GRM8: variants seen among roughly 807,000 people sequenced by gnomAD.
The protein encoded by GRM8 is metabotropic glutamate receptor 8.
A neutral mutation model predicts 87.2 loss-of-function variants in GRM8; 47 were observed. The ratio of observed to expected loss-of-function variants is 0.54; its 90% CI spans 0.43 to 0.69. GRM8 has a LOEUF of 0.69. Among genes scored for constraint, GRM8 ranks in the 30% least tolerant of loss-of-function variants. The pLI, the probability that GRM8 is intolerant of heterozygous loss-of-function variation, is 0.00. For synonymous variants in GRM8, 396 were observed against 404.5 expected, an observed-to-expected ratio of 0.98 and a Z score of 0.25; for missense variants, 1,019 against 1,139.2, an observed-to-expected ratio of 0.89 and a Z score of 1.52.
chr7:126,662,408 A>T (rs570634091), intron 7 of GRM8, among the ~76,000 whole-genome samples: 1 of 152,340 alleles, frequency 6.6e-6, no homozygotes, highest in African/African-American at 2.4e-5. Flanking sequence ...GGCTTCAAAA[A>T]AAAGTCCTAA....
At chr7:126,933,096 C>G (rs879287064) in intron 3 of GRM8, among the ~76,000 whole-genome samples, 5 of 152,190 alleles carry the variant, frequency 3.3e-5, no homozygotes, top group Admixed American at 1.3e-4. Context: ...GTGCTGACTC[C>G]TAGAAAGACC....
chr7:126,520,658 G>T (rs886429016), intron 9 of GRM8, among the ~76,000 whole-genome samples: 1 of 152,062 alleles, frequency 6.6e-6, no homozygotes, highest in Admixed American at 6.6e-5. Context: ...GGGAGGGGAA[G>T]ATATAAAATG....
At chr7:126,957,858 G>C (rs538462782) in intron 3 of GRM8, among the ~76,000 whole-genome samples, 1 of 152,170 alleles carries the variant, frequency 6.6e-6, no homozygotes, top group South Asian at 2.1e-4. Context: ...CCTGAAGCCC[G>C]GGGGCAGGGC....
chr7:127,060,034 A>G (rs900785109), intron 3 of GRM8, among the ~76,000 whole-genome samples: 1 of 152,232 alleles, frequency 6.6e-6, no homozygotes, highest in Non-Finnish European at 1.5e-5. Flanking sequence ...TCACTGGTAG[A>G]CATTTTCTAC....
chr7:127,167,544 C>T (rs1041791098), intron 2 of GRM8, among the ~76,000 whole-genome samples: 6 of 151,920 alleles, frequency 3.9e-5, no homozygotes, highest in Non-Finnish European at 7.4e-5. Context: ...GTCTCTGTGT[C>T]GCATTTTGAT....
intron 7 of GRM8, among the ~76,000 whole-genome samples, chr7:126,761,588 C>T (rs930737236): frequency 4.6e-5 from 7 of 152,152 alleles, no homozygotes; most frequent in African/African-American, 1.7e-4. Context: ...AAAACACTTA[C>T]CCTAGCACTT....
intron 6 of GRM8, among the ~76,000 whole-genome samples, chr7:126,850,872 A>AGTGC (rs1797147936): frequency 6.6e-6 from 1 of 152,178 alleles, no homozygotes; most frequent in African/African-American, 2.4e-5. Flanking sequence ...CTTAGGTAAC[A>AGTGC]GTGCGAGGCA....
At chr7:126,691,822 C>A (rs746867160) in intron 7 of GRM8, among the ~76,000 whole-genome samples, 2 of 152,182 alleles carry the variant, frequency 1.3e-5, no homozygotes, top group African/African-American at 2.4e-5. Context: ...GAGACACCAA[C>A]CCCTAAAATA....
chr7:126,602,457 C>A (rs202101697), intron 8 of GRM8, among the ~76,000 whole-genome samples: 1 of 112,526 alleles, frequency 8.9e-6, no homozygotes, highest in East Asian at 3.1e-4. Context: ...TAGTTTTTTC[C>A]AATTCTGTGA....
intron 3 of GRM8, among the ~76,000 whole-genome samples, chr7:126,984,667 T>C (rs17870015): frequency 1.3e-5 from 2 of 152,016 alleles, no homozygotes; most frequent in Admixed American, 6.6e-5. Flanking sequence ...CCTTTATATA[T>C]AGATATAAAT....
intron 3 of GRM8, among the ~76,000 whole-genome samples, chr7:127,000,662 A>G (rs1038704940): frequency 6.6e-6 from 1 of 151,628 alleles, no homozygotes; most frequent in East Asian, 1.9e-4. Context: ...ATTTCCCTAG[A>G]ATAGGCTCAT....
chr7:126,550,135 C>G (rs186913121), intron 8 of GRM8, among the ~76,000 whole-genome samples: 1 of 150,414 alleles, frequency 6.6e-6, no homozygotes, highest in African/African-American at 2.5e-5. Context: ...TTTTTTTTTC[C>G]GAGACGGTCT....
At chr7:126,572,323 T>C (rs1397653485) in intron 8 of GRM8, among the ~76,000 whole-genome samples, 2 of 151,848 alleles carry the variant, frequency 1.3e-5, no homozygotes, top group South Asian at 2.1e-4. Context: ...TTAAGAGAAT[T>C]CCAAAAAATA....
intron 9 of GRM8, among the ~76,000 whole-genome samples, chr7:126,508,754 C>T (rs1810879965): frequency 6.6e-6 from 1 of 151,976 alleles, no homozygotes; most frequent in Non-Finnish European, 1.5e-5. Flanking sequence ...AACTGGGTTG[C>T]CTCTCAAATA....
intron 2 of GRM8, among the ~76,000 whole-genome samples, chr7:127,163,787 T>C (rs981040988): frequency 6.6e-6 from 1 of 152,150 alleles, no homozygotes; most frequent in Non-Finnish European, 1.5e-5. Flanking sequence ...TTCCCTCTAC[T>C]TTTGCACATG....
At chr7:127,109,096 G>A (rs1430763686) in intron 2 of GRM8, among the ~76,000 whole-genome samples, 1 of 152,060 alleles carries the variant, frequency 6.6e-6, no homozygotes, top group East Asian at 1.9e-4. Context: ...GGCAACTGAA[G>A]TAAAAATTTT....
chr7:126,737,639 C>A (rs1376832884), intron 7 of GRM8, among the ~76,000 whole-genome samples: 1 of 151,978 alleles, frequency 6.6e-6, no homozygotes, highest in Non-Finnish European at 1.5e-5. Context: ...GTAATTTTTC[C>A]ATTCCCTTCC....
At chr7:126,684,146 A>G (rs79515117) in intron 7 of GRM8, among the ~76,000 whole-genome samples, 1 of 152,202 alleles carries the variant, frequency 6.6e-6, no homozygotes, top group East Asian at 1.9e-4. Flanking sequence ...AAGAAAAAAA[A>G]TCATACTTAG....
At chr7:127,158,924 A>G (rs1792917482) in intron 2 of GRM8, among the ~76,000 whole-genome samples, 1 of 152,102 alleles carries the variant, frequency 6.6e-6, no homozygotes, top group African/African-American at 2.4e-5. Flanking sequence ...CCACCTCTAG[A>G]AGGGCCCTAA....
Sources: gnomAD v4.1 joint callset for allele counts (sites outside exome capture counted in the v4.1 genomes callset) on GRCh38, gnomAD v4.1.1 for gene constraint, MANE v1.5 for transcripts, NCBI Gene and HGNC (gene_info 2026-07-23, HGNC 2026-07-21) for gene names.